The following DAB2IP variants were observed in gnomAD, a reference collection of about 807,000 sequenced individuals.
DAB2IP encodes the protein DAB2 interacting protein, also known as disabled homolog 2-interacting protein.
DAB2IP carries 28 observed loss-of-function variants against 107.2 expected under a neutral mutation model. The observed-to-expected ratio is 0.26, with a 90% CI of 0.19 to 0.36. DAB2IP has a LOEUF of 0.36. DAB2IP is among the 10% of genes least tolerant of loss of function. The pLI is 1.00. For synonymous variants in DAB2IP, 755 were observed against 706.4 expected (o/e 1.07, Z -1.09); for missense variants, 1,400 against 1,644.7 (o/e 0.85, Z 2.57).
chr9:121,690,011 G>A (rs948242453), intron 2 of DAB2IP, among the ~76,000 whole-genome samples: 6 of 152,302 alleles, frequency 3.9e-5, no homozygotes, highest in African/African-American at 1.4e-4. Context: ...CAAATTAGTT[G>A]CCCTTTCTGA....
intron 3 of DAB2IP, among the ~76,000 whole-genome samples, chr9:121,721,255 G>A (rs1243709352): frequency 6.6e-6 from 1 of 152,216 alleles, no homozygotes; most frequent in Non-Finnish European, 1.5e-5. Flanking sequence ...CTGCAGGTGT[G>A]CCCAGCTGTG....
In DAB2IP at chr9:121,782,406, A is replaced by G. The variant is rs1170889493; in HGVS notation, c.3478A>G (p.Ser1160Gly). The stretch of plus-strand genomic sequence containing the variant: ...CCTGACCCAGCTGAAAGAGAGGTAC[A>G]GCATGCAAGCCCGTAACGGCATCTC... The change falls in exon 16 of 16, where the codon AGC (serine) becomes GGC (glycine). Residue 1160 changes from serine to glycine, a missense_variant. Transcript: ENST00000408936. The surrounding 1 kb of genome is among the most constrained non-coding windows in gnomAD (Gnocchi z 6.1). 3.1e-6 allele frequency: 5 copies of G among 1,614,132 alleles called. No homozygotes were observed. The highest frequency in any genetic ancestry group is 3.4e-6 in the Non-Finnish European group (4 of 1,179,998).
At chr9:121,652,079 G>C (rs1286879803) in intron 1 of DAB2IP, among the ~76,000 whole-genome samples, 180 bp downstream of exon 1, 1 of 152,058 alleles carries the variant, frequency 6.6e-6, no homozygotes, top group Admixed American at 6.5e-5. Context: ...TCCTCCTCTC[G>C]CCGGGGGAAG....
chr9:121,611,825 T>G (rs898490543), intron 1 of DAB2IP, among the ~76,000 whole-genome samples: 11 of 152,160 alleles, frequency 7.2e-5, no homozygotes, highest in African/African-American at 2.7e-4. Context: ...CCTCAAGTGA[T>G]CCACCTGCCT....
intron 2 of DAB2IP, among the ~76,000 whole-genome samples, chr9:121,689,292 T>TAAA (rs148765739): frequency 2.4e-5 from 3 of 124,588 alleles, no homozygotes; most frequent in Non-Finnish European, 5.2e-5. Flanking sequence ...AAATTCCATC[T>TAAA]AAAAAAAAAA....
At chr9:121,589,299 TCTC>T (rs900405642) in intron 1 of DAB2IP, among the ~76,000 whole-genome samples, 1 of 152,106 alleles carries the variant, frequency 6.6e-6, no homozygotes, top group African/African-American at 2.4e-5. Flanking sequence ...CCCTGCCTCT[TCTC>T]CTGCCCCCTC....
At position 121,699,733 on chromosome 9, in the gene DAB2IP, A is replaced by T. The variant is rs1285350014; in HGVS notation, c.362+275A>T. 6.6e-6 allele frequency among the ~76,000 whole-genome samples: 1 copy of T among 152,152 alleles called. No homozygotes were observed. Among genetic ancestry groups the T allele is most frequent in the Non-Finnish European group, 1.5e-5 (1 of 68,010 alleles). On this transcript the variant is annotated intron_variant, in intron 3 of 15. Coordinates refer to ENST00000408936, the Ensembl canonical transcript of DAB2IP. This position sits in a 1 kb window ranked among gnomAD's most constrained non-coding sequence, Gnocchi z 6.2. ...GAGGCCGGGCGCGAAGTCCCCTCGC[A>T]GGGAAGTCCTGCCTCGCCTGTCCGA...
chr9:121,733,713 A>T (rs756061597), intron 3 of DAB2IP, among the ~76,000 whole-genome samples: 74 of 152,188 alleles, frequency 4.9e-4, no homozygotes, highest in Non-Finnish European at 8.8e-4. Flanking sequence ...GGCCACTGGG[A>T]AGGCTTCCCT....
At chr9:121,767,825 G>T (rs111396844) in intron 9 of DAB2IP, among the ~76,000 whole-genome samples, 1 of 152,210 alleles carries the variant, frequency 6.6e-6, no homozygotes, top group African/African-American at 2.4e-5. Flanking sequence ...ACAGGAGGCA[G>T]TGGCTGCAAG....
rs1183214949 is a variant in DAB2IP, at chr9:121,772,959, G to A, written c.2431G>A (p.Gly811Ser). Residue 811 changes from glycine (G) to serine (S), a missense_variant, in exon 12 of 16, where the codon GGC becomes AGC. Gly to Ser is a moderately conservative substitution (Grantham distance 56). This residue lies in a region of DAB2IP where 600 missense variants were observed against 659.1 expected (regional missense o/e 0.91). Transcript: ENST00000408936. This position sits in a 1 kb window ranked among gnomAD's most constrained non-coding sequence, Gnocchi z 4.7. ...GGCAGGCCAGACACCAACCACACCA[G>A]GCACCTCCGAGGGCGCGCCAGGCCG... 1 of 1,582,860 alleles carries A rather than the reference G, an allele frequency of 6.3e-7. No homozygotes were observed. Among genetic ancestry groups the A allele is most frequent in the Non-Finnish European group, 8.6e-7 (1 of 1,166,698 alleles).
At chr9:121,654,866 A>G (rs192802963) in intron 1 of DAB2IP, among the ~76,000 whole-genome samples, 191 of 152,324 alleles carry the variant, frequency 1.3e-3, no homozygotes, top group African/African-American at 4.3e-3. Flanking sequence ...GCAGGGAAGG[A>G]AAATGACCAA....
intron 13 of DAB2IP, among the ~76,000 whole-genome samples, chr9:121,774,778 C>T (rs75030007): frequency 6.6e-6 from 1 of 152,070 alleles, no homozygotes; most frequent in East Asian, 1.9e-4. Flanking sequence ...CATATAGAAG[C>T]CCCCCTGAGG....
chr9:121,595,509 G>A (rs7025967), intron 1 of DAB2IP, among the ~76,000 whole-genome samples: 2,407 of 151,902 alleles, frequency 0.016, 87 homozygotes, highest in African/African-American at 0.055. Flanking sequence ...ATGCTGAGGT[G>A]GGAGAATCCC....
chr9:121,784,102 G>A (rs1835842310), exon 16 of DAB2IP: 1 of 161,450 alleles, frequency 6.2e-6, no homozygotes. Flanking sequence ...GGCTGCTCTG[G>A]GAAGGGGCTT....
intron 1 of DAB2IP, among the ~76,000 whole-genome samples, chr9:121,593,255 T>G (rs1397445868): frequency 1.3e-5 from 2 of 152,088 alleles, no homozygotes; most frequent in African/African-American, 2.4e-5. Context: ...TTGGCTTCTC[T>G]TGGAATTTTG....
In DAB2IP at chr9:121,736,836, G is replaced by A. The variant is rs1433057232; in HGVS notation, c.363-20177G>A. On this transcript the variant is annotated intron_variant, in intron 3 of 15. Coordinates refer to ENST00000408936, the Ensembl canonical transcript of DAB2IP. The surrounding 1 kb of genome is among the most constrained non-coding windows in gnomAD (Gnocchi z 4.6). ...GTTCGAGGTGTGCTGGGCTTACCGG[G>A]GCGTGCAGGTCCCTGTTCTCGTGGA... 1.3e-5 allele frequency among the ~76,000 whole-genome samples: 2 copies of A among 152,220 alleles called. No individual in the cohort carries two copies. The highest frequency in any genetic ancestry group is 2.9e-5 in the Non-Finnish European group (2 of 68,050).
At chr9:121,768,513 G>C (rs1369684577) in exon 10 of DAB2IP, 2 of 1,614,080 alleles carry the variant, frequency 1.2e-6, no homozygotes, top group Non-Finnish European at 1.7e-6. Flanking sequence ...GCTTCCTGCT[G>C]GAGATCTCCA....
At chr9:121,646,624 C>T (rs1437864178), upstream of DAB2IP, among the ~76,000 whole-genome samples, 1 of 151,802 alleles carries the variant, frequency 6.6e-6, no homozygotes, top group African/African-American at 2.4e-5. Flanking sequence ...GTCACCACCA[C>T]CCACCCTCAT....
rs1831977547 is a variant in DAB2IP, at chr9:121,633,684, C to A, written c.41-44994C>A. On this transcript the variant is annotated intron_variant, in intron 1 of 16. Coordinates refer to the DAB2IP transcript ENST00000259371. This position sits in a 1 kb window ranked among gnomAD's most constrained non-coding sequence, Gnocchi z 5.1. ...ACAGCAGTGACCAGGACAGACATTG[C>A]CCCAGGGTTTGGCCACAGGAGCTGG... is the stretch of plus-strand genomic sequence containing the variant. Among the ~76,000 whole-genome samples the A allele has an allele frequency of 6.6e-6, 1 of 152,158 alleles. No homozygotes were observed. Among genetic ancestry groups the A allele is most frequent in the South Asian group, 2.1e-4 (1 of 4,826 alleles).
Sources: allele counts gnomAD v4.1 joint callset (sites outside exome capture counted in the v4.1 genomes callset), GRCh38; gene constraint gnomAD v4.1.1; regional missense constraint gnomAD v4.1.1; non-coding constraint Gnocchi (gnomAD v3.1); transcripts MANE v1.5; gene names NCBI Gene and HGNC (gene_info 2026-07-23, HGNC 2026-07-21).